MYO16: variants seen among roughly 807,000 people sequenced by gnomAD.
The protein encoded by MYO16 is myosin XVI.
Under a neutral mutation model 205.3 loss-of-function variants are expected in MYO16, and 94 were observed. That is an observed-to-expected ratio of 0.46 (90% CI 0.39 to 0.54). The LOEUF (loss-of-function observed/expected upper bound fraction) is 0.54. Among genes scored for constraint, MYO16 ranks in the 20% least tolerant of loss-of-function variants. The probability of loss-of-function intolerance (pLI) is 0.00; values close to 1 mark genes in which losing one functional copy is unlikely to be tolerated. For synonymous variants in MYO16, 988 were observed against 954.0 expected (o/e 1.04, Z -0.66); for missense variants, 2,315 against 2,387.5 (o/e 0.97, Z 0.63).
At chr13:109,007,236 A>T (rs1388379278) in intron 21 of MYO16, among the ~76,000 whole-genome samples, 1 of 152,006 alleles carries the variant, frequency 6.6e-6, no homozygotes, top group Non-Finnish European at 1.5e-5. Context: ...AAAATACAAA[A>T]AATTAGCTGG....
At chr13:108,995,686 G>C (rs11620259) in intron 21 of MYO16, among the ~76,000 whole-genome samples, 5 of 152,016 alleles carry the variant, frequency 3.3e-5, no homozygotes, top group Non-Finnish European at 7.4e-5. Flanking sequence ...GAGAACATGC[G>C]GTGTTTCGTT....
intron 21 of MYO16, among the ~76,000 whole-genome samples, chr13:108,999,222 C>T (rs1045938333): frequency 6.6e-6 from 1 of 152,176 alleles, no homozygotes; most frequent in East Asian, 1.9e-4. Context: ...TCAATTGATA[C>T]ACAAATATGA....
chr13:109,059,932 C>G (rs1055082553), intron 27 of MYO16, among the ~76,000 whole-genome samples: 4 of 151,968 alleles, frequency 2.6e-5, no homozygotes, highest in African/African-American at 9.7e-5. Flanking sequence ...GAGTCAAAAC[C>G]ACAATGAGAT....
chr13:109,089,406 G>T (rs1437546732), intron 27 of MYO16, among the ~76,000 whole-genome samples: 3 of 151,916 alleles, frequency 2.0e-5, no homozygotes, highest in African/African-American at 7.3e-5. Flanking sequence ...TAGAGACGGG[G>T]TTTCGCCATT....
chr13:109,067,103 G>A (rs1451743696), intron 27 of MYO16, among the ~76,000 whole-genome samples: 3 of 152,132 alleles, frequency 2.0e-5, no homozygotes, highest in Non-Finnish European at 1.5e-5. Context: ...CAGCATCACA[G>A]TCATCATCAT....
intron 2 of MYO16, among the ~76,000 whole-genome samples, chr13:108,704,063 A>C (rs1460434532): frequency 6.6e-6 from 1 of 152,196 alleles, no homozygotes; most frequent in East Asian, 1.9e-4. Flanking sequence ...CCAAGAAGAG[A>C]GGCCTCAGAG....
chr13:109,115,014 G>A (rs1024375922), intron 28 of MYO16, among the ~76,000 whole-genome samples: 13 of 151,976 alleles, frequency 8.6e-5, no homozygotes, highest in African/African-American at 3.1e-4. Flanking sequence ...AGAGAGAAAT[G>A]TGCATCATAG....
intron 16 of MYO16, among the ~76,000 whole-genome samples, chr13:108,920,528 A>G (rs1407867004): frequency 6.6e-6 from 1 of 152,032 alleles, no homozygotes; most frequent in Non-Finnish European, 1.5e-5. Flanking sequence ...GTGCCATCTC[A>G]GCTCACTGCA....
the MYO16 span, among the ~76,000 whole-genome samples, chr13:108,508,478 C>T: frequency 6.7e-6 from 1 of 150,056 alleles, no homozygotes; most frequent in Non-Finnish European, 1.5e-5. Flanking sequence ...GTTGCTGCTT[C>T]AGCAAGCCAA....
At chr13:108,724,645 C>A (rs9520990) in intron 3 of MYO16, among the ~76,000 whole-genome samples, 3 of 151,740 alleles carry the variant, frequency 2.0e-5, no homozygotes, top group Admixed American at 6.6e-5. Context: ...GTATTACGCA[C>A]GGTGCATGTT....
chr13:108,726,781 T>C (rs1052551439), intron 3 of MYO16, among the ~76,000 whole-genome samples: 2 of 152,112 alleles, frequency 1.3e-5, no homozygotes, highest in Non-Finnish European at 1.5e-5. Flanking sequence ...GAGTTTGAAC[T>C]ATAAATAGTA....
chr13:108,705,330 C>G (rs1926531), intron 2 of MYO16, among the ~76,000 whole-genome samples: 115,410 of 152,106 alleles, frequency 0.76, 44,011 homozygotes, highest in East Asian at 0.98. Flanking sequence ...AACACAGGAG[C>G]CTTTTCTGAC....
intron 32 of MYO16, among the ~76,000 whole-genome samples, chr13:109,142,625 C>T (rs1272665976): frequency 6.6e-6 from 1 of 152,174 alleles, no homozygotes; most frequent in East Asian, 1.9e-4. Context: ...CCTTTGTGTA[C>T]AAATGCAACT....
At chr13:108,733,626 T>C (rs1421240051) in intron 4 of MYO16, among the ~76,000 whole-genome samples, 2 of 152,198 alleles carry the variant, frequency 1.3e-5, no homozygotes. Context: ...ACACAGCTTT[T>C]TAACTTGATT....
At chr13:109,022,774 A>G (rs1015114400) in intron 23 of MYO16, among the ~76,000 whole-genome samples, 28 of 136,170 alleles carry the variant, frequency 2.1e-4, no homozygotes, top group African/African-American at 7.2e-4. Context: ...ATATTTATAT[A>G]TTATATATAC....
chr13:109,007,310 C>A (rs2139476300), intron 21 of MYO16, among the ~76,000 whole-genome samples: 1 of 152,026 alleles, frequency 6.6e-6, no homozygotes, highest in Non-Finnish European at 1.5e-5. Flanking sequence ...ATGGTGTGAA[C>A]CCGTGAGGCG....
At chr13:108,669,986 A>G (rs576678475) in intron 2 of MYO16, among the ~76,000 whole-genome samples, 8 of 152,200 alleles carry the variant, frequency 5.3e-5, no homozygotes, top group Non-Finnish European at 1.5e-5. Flanking sequence ...GGGGCTTAAA[A>G]CCTAGATGAT....
At chr13:108,678,830 G>A (rs1330745131) in intron 2 of MYO16, among the ~76,000 whole-genome samples, 2 of 152,148 alleles carry the variant, frequency 1.3e-5, no homozygotes, top group East Asian at 3.9e-4. Flanking sequence ...AATACCACAG[G>A]CCCAGTGGCT....
intron 32 of MYO16, among the ~76,000 whole-genome samples, chr13:109,154,975 AT>A (rs923950999): frequency 6.9e-6 from 1 of 145,808 alleles, no homozygotes; most frequent in South Asian, 2.3e-4. Flanking sequence ...GATTGAAGTG[AT>A]TTTTTCCCCT....
Sources: gnomAD v4.1 joint callset for allele counts (sites outside exome capture counted in the v4.1 genomes callset) on GRCh38, gnomAD v4.1.1 for gene constraint, MANE v1.5 for transcripts, NCBI Gene and HGNC (gene_info 2026-07-23, HGNC 2026-07-21) for gene names.